Variants in PLCB1 observed in about 807,000 individuals in gnomAD.
PLCB1 encodes phospholipase C beta 1, also known as 1-phosphatidylinositol 4,5-bisphosphate phosphodiesterase beta-1.
PLCB1 carries 46 observed loss-of-function variants against 161.8 expected under a neutral mutation model. That is an observed-to-expected ratio of 0.28 (90% CI 0.22 to 0.36). PLCB1 has a LOEUF of 0.36. Among genes scored for constraint, PLCB1 ranks in the 10% least tolerant of loss-of-function variants. PLCB1 has a pLI of 1.00. For missense variants in PLCB1, 1,016 were observed against 1,472.5 expected, an observed-to-expected ratio of 0.69 and a Z score of 5.07; for synonymous variants, 517 against 503.7, an observed-to-expected ratio of 1.03 and a Z score of -0.35.
At chr20:8,707,682 G>GA (rs1277723651) in intron 11 of PLCB1, among the ~76,000 whole-genome samples, 1 of 152,026 alleles carries the variant, frequency 6.6e-6, no homozygotes, top group Non-Finnish European at 1.5e-5. Context: ...AGATATTAGG[G>GA]AAAAAATGAA....
intron 2 of PLCB1, among the ~76,000 whole-genome samples, chr20:8,209,719 A>C (rs1978722760): frequency 6.6e-6 from 1 of 152,136 alleles, no homozygotes; most frequent in East Asian, 1.9e-4. Context: ...CTTGTGATCA[A>C]TTTGATATGT....
intron 3 of PLCB1, among the ~76,000 whole-genome samples, chr20:8,502,914 C>T (rs940184906): frequency 7.9e-5 from 12 of 152,108 alleles, no homozygotes; most frequent in African/African-American, 2.9e-4. Context: ...TACATAAGCC[C>T]AGTACAGATT....
intron 27 of PLCB1, among the ~76,000 whole-genome samples, chr20:8,786,725 G>A (rs1481987446): frequency 7.3e-6 from 1 of 136,366 alleles, no homozygotes; most frequent in Non-Finnish European, 1.6e-5. Flanking sequence ...TTTTGCTCTT[G>A]TTGCCTAGAG....
At chr20:8,214,017 G>A (rs1324701106) in intron 2 of PLCB1, among the ~76,000 whole-genome samples, 2 of 151,816 alleles carry the variant, frequency 1.3e-5, no homozygotes, top group African/African-American at 2.4e-5. Flanking sequence ...ACCAAAGCAG[G>A]GACAATAGAA....
At chr20:8,221,008 G>T (rs938033473) in intron 2 of PLCB1, among the ~76,000 whole-genome samples, 2 of 152,162 alleles carry the variant, frequency 1.3e-5, no homozygotes, top group Non-Finnish European at 2.9e-5. Context: ...ACTCTGGGAA[G>T]TTGGAAATCT....
chr20:8,674,056 C>A (rs1313157472), intron 9 of PLCB1, among the ~76,000 whole-genome samples: 1 of 152,186 alleles, frequency 6.6e-6, no homozygotes, highest in Non-Finnish European at 1.5e-5. Flanking sequence ...TCCCTCCCCC[C>A]TTAAATGGGA....
At chr20:8,271,186 A>T (rs994889244) in intron 2 of PLCB1, among the ~76,000 whole-genome samples, 1 of 152,138 alleles carries the variant, frequency 6.6e-6, no homozygotes, top group Non-Finnish European at 1.5e-5. Flanking sequence ...TGCCTAGAAG[A>T]AATGTGGGAA....
chr20:8,255,584 A>G (rs1981369392), intron 2 of PLCB1, among the ~76,000 whole-genome samples: 1 of 152,084 alleles, frequency 6.6e-6, no homozygotes, highest in African/African-American at 2.4e-5. Context: ...TTTTACCATT[A>G]ATATCCTTCT....
rs1393190863 is a variant in PLCB1, at chr20:8,473,865, A to G, written c.246+102415A>G. Among the ~76,000 whole-genome samples, 4 of 152,192 alleles carry G rather than the reference A, an allele frequency of 2.6e-5. No individual in the cohort carries two copies. In the South Asian group the frequency reaches 6.2e-4, roughly 24 times the overall value. On this transcript the variant is annotated intron_variant, in intron 3 of 31. Coordinates refer to ENST00000338037, the MANE Select transcript of PLCB1 (RefSeq NM_015192.4). ...AAACCTGATGCAGAACCTTAACCCC[A>G]TTTATATAATATGGTGAATTTTTTC...
chr20:8,848,073 C>A (rs1482472622), intron 31 of PLCB1, among the ~76,000 whole-genome samples: 1 of 152,144 alleles, frequency 6.6e-6, no homozygotes, highest in Non-Finnish European at 1.5e-5. Flanking sequence ...TTTCTAAGGA[C>A]CTTAATCACA....
chr20:8,437,098 T>C (rs994618927), intron 3 of PLCB1, among the ~76,000 whole-genome samples: 5 of 152,052 alleles, frequency 3.3e-5, no homozygotes, highest in African/African-American at 7.2e-5. Flanking sequence ...TCCGTAACCA[T>C]GGATTTTAAT....
intron 11 of PLCB1, 152 bp from the exon 12 acceptor site, chr20:8,708,518 A>G (rs1978816880): frequency 8.5e-6 from 5 of 590,426 alleles, no homozygotes; most frequent in Non-Finnish European, 1.5e-5. Flanking sequence ...AGCACCGTCC[A>G]GCAGCCCTCA....
In PLCB1 at chr20:8,408,517, A is replaced by G. The variant is rs76640120; in HGVS notation, c.246+37067A>G. The stretch of plus-strand genomic sequence containing the variant: ...TGTTCTGAATTGGAAGTTTTTTTTA[A>G]AAAAAAAAATCAGATTATGGCGACA... On this transcript the variant is annotated intron_variant, in intron 3 of 31. Transcript: ENST00000338037. 8.1e-4 allele frequency among the ~76,000 whole-genome samples: 122 copies of G among 151,422 alleles called. 2 individuals carry two copies. The East Asian group carries it at 0.022, about 27-fold the overall frequency.
intron 11 of PLCB1, among the ~76,000 whole-genome samples, chr20:8,701,088 G>A (rs1014890835): frequency 4.3e-4 from 66 of 152,238 alleles, no homozygotes; most frequent in African/African-American, 1.4e-3. Context: ...GCACATAGTC[G>A]CCTCTCTTGC....
intron 18 of PLCB1, among the ~76,000 whole-genome samples, chr20:8,731,150 G>A (rs772491961): frequency 2.6e-5 from 4 of 151,618 alleles, no homozygotes; most frequent in East Asian, 1.9e-4. Flanking sequence ...TCTAAGCCAC[G>A]ATTAAGAGTA....
intron 31 of PLCB1, among the ~76,000 whole-genome samples, chr20:8,857,264 G>C (rs1261238810): frequency 6.6e-6 from 1 of 152,108 alleles, no homozygotes; most frequent in Middle Eastern, 3.2e-3. Flanking sequence ...TCACAAAAGA[G>C]GAGTGAAGAA....
At chr20:8,236,588 A>G (rs2123194750) in intron 2 of PLCB1, among the ~76,000 whole-genome samples, 1 of 152,204 alleles carries the variant, frequency 6.6e-6, no homozygotes, top group South Asian at 2.1e-4. Context: ...ATTGGGTAAC[A>G]CAGGATTATT....
At chr20:8,510,495 C>T (rs551183135) in intron 3 of PLCB1, among the ~76,000 whole-genome samples, 1 of 151,740 alleles carries the variant, frequency 6.6e-6, no homozygotes, top group East Asian at 1.9e-4. Context: ...AAGCGATTCT[C>T]CTGCCTCAGC....
chr20:8,619,102 T>C (rs1988108708), intron 3 of PLCB1, among the ~76,000 whole-genome samples: 1 of 152,130 alleles, frequency 6.6e-6, no homozygotes, highest in Non-Finnish European at 1.5e-5. Context: ...GGTGGGAAAT[T>C]TTCTCGCTCC....
Sources: gnomAD v4.1 joint callset for allele counts (sites outside exome capture counted in the v4.1 genomes callset) on GRCh38, gnomAD v4.1.1 for gene constraint, MANE v1.5 for transcripts, NCBI Gene and HGNC (gene_info 2026-07-23, HGNC 2026-07-21) for gene names.